The following DLGAP2 variants were observed in gnomAD, a reference collection of about 807,000 sequenced individuals.
The protein encoded by DLGAP2 is DLG associated protein 2.
In DLGAP2, 26 loss-of-function variants were observed where a neutral mutation model predicts 100.3. The observed-to-expected ratio is 0.26, with a 90% CI of 0.19 to 0.36. The LOEUF is 0.36. Ranked by LOEUF, DLGAP2 falls within the 10% of genes least tolerant of loss-of-function variation. The pLI is 1.00. For synonymous variants in DLGAP2, 886 were observed against 630.1 expected (o/e 1.41, Z -6.08); for missense variants, 1,858 against 1,453.2 (o/e 1.28, Z -4.53).
chr8:1,672,763 G>A (rs1048579969), intron 10 of DLGAP2, among the ~76,000 whole-genome samples: 8 of 152,192 alleles, frequency 5.3e-5, no homozygotes, highest in South Asian at 2.1e-4. Context: ...AGGCAGGGCC[G>A]GCCACTCACC....
At chr8:903,431 A>C (rs1006492866) in intron 1 of DLGAP2, among the ~76,000 whole-genome samples, 10 of 152,166 alleles carry the variant, frequency 6.6e-5, no homozygotes, top group Non-Finnish European at 1.0e-4. Flanking sequence ...GGCCGTGTCC[A>C]TAAAATCAGC....
chr8:1,199,323 G>A (rs993504450), intron 2 of DLGAP2, among the ~76,000 whole-genome samples: 1 of 152,320 alleles, frequency 6.6e-6, no homozygotes, highest in Non-Finnish European at 1.5e-5. Flanking sequence ...CTTCTCCCTG[G>A]TGATCTCTTT....
chr8:887,454 A>T (rs1205431162), intron 1 of DLGAP2, among the ~76,000 whole-genome samples: 1 of 152,184 alleles, frequency 6.6e-6, no homozygotes, highest in East Asian at 1.9e-4. Flanking sequence ...GTTGATGCAG[A>T]TTCTTCATAG....
chr8:1,480,152 A>C (rs1478653210), intron 3 of DLGAP2, among the ~76,000 whole-genome samples: 1 of 152,154 alleles, frequency 6.6e-6, no homozygotes, highest in Admixed American at 6.5e-5. Context: ...AGAGCCTTTA[A>C]CCACCACTGT....
chr8:1,320,575 G>T (rs888923525), intron 3 of DLGAP2, among the ~76,000 whole-genome samples: 54 of 152,172 alleles, frequency 3.5e-4, no homozygotes, highest in African/African-American at 1.1e-3. Context: ...GCTCAGCCTG[G>T]TGCTTCATGC....
intron 3 of DLGAP2, among the ~76,000 whole-genome samples, chr8:1,371,784 A>G (rs893992835): frequency 6.6e-6 from 1 of 152,096 alleles, no homozygotes; most frequent in African/African-American, 2.4e-5. Flanking sequence ...TGCATTTCTC[A>G]TATTCCACGT....
intron 4 of DLGAP2, among the ~76,000 whole-genome samples, chr8:1,520,223 C>T (rs1421583904): frequency 1.3e-5 from 2 of 152,190 alleles, no homozygotes; most frequent in Non-Finnish European, 2.9e-5. Context: ...AGAAGAACAG[C>T]TGCAGGCCCC....
rs532222910 is a variant in DLGAP2, at chr8:1,457,749, G to A, written c.107-43617G>A. 3.3e-5 allele frequency among the ~76,000 whole-genome samples: 5 copies of A among 151,346 alleles called. No homozygotes were observed. The East Asian group carries it at 7.8e-4, about 24-fold the overall frequency. ...TATTGTAGCCCCACACACCTCCCCC[G>A]TCCCACGCCTCCCCCAGAAGGTTGC... On this transcript the variant is annotated intron_variant, in intron 3 of 14. Coordinates refer to ENST00000637795, the MANE Select transcript of DLGAP2 (RefSeq NM_001346810.2).
At chr8:1,558,585 G>A (rs1216386026) in intron 5 of DLGAP2, among the ~76,000 whole-genome samples, 2 of 140,328 alleles carry the variant, frequency 1.4e-5, no homozygotes, top group South Asian at 4.6e-4. Flanking sequence ...TACACACATA[G>A]GCATGCATGC....
rs769915953 is a variant in DLGAP2, at chr8:1,337,447, GTGA to G, written c.106+78570_106+78572del. On this transcript the variant is annotated intron_variant, in intron 3 of 14. Coordinates refer to ENST00000637795, the MANE Select transcript of DLGAP2 (RefSeq NM_001346810.2). ...GATGGTGATGGTGATGATGATGATG[GTGA>G]TGATGGTGAGAATGGTGAGGATGAT... Among the ~76,000 whole-genome samples the G allele has an allele frequency of 2.3e-4, 20 of 85,390 alleles. 3 individuals carry two copies. Among genetic ancestry groups the G allele is most frequent in the Non-Finnish European group, 4.2e-4 (15 of 35,800 alleles). The allele number at this position is 85,390 out of a possible 152,430, so 56.0% of individuals were successfully genotyped here. A position where few individuals can be genotyped will look rare whatever the true frequency, so the allele number is the denominator to read the frequency against.
intron 1 of DLGAP2, among the ~76,000 whole-genome samples, chr8:878,193 G>T (rs1345274404): frequency 6.6e-6 from 1 of 152,178 alleles, no homozygotes; most frequent in Non-Finnish European, 1.5e-5. Context: ...ATGGGAAAAA[G>T]TCAGTGGTGG....
rs1361313787 is a variant in DLGAP2 at position 880,050 on chromosome 8, C to A, written c.19-27862C>A. Among the ~76,000 whole-genome samples the A allele has an allele frequency of 2.0e-5, 3 of 152,142 alleles. No individual in the cohort carries two copies. The East Asian group carries it at 5.8e-4, about 29-fold the overall frequency. ...GTAGAGGTCTTCAGGAAATTCTGTC[C>A]TGGCCTTCTTGTCCTGCTGCTTCCA... On this transcript the variant is annotated intron_variant, in intron 1 of 14. Transcript: ENST00000637795.
chr8:924,414 A>T (rs1043261517), intron 2 of DLGAP2, among the ~76,000 whole-genome samples: 1 of 151,856 alleles, frequency 6.6e-6, no homozygotes, highest in Non-Finnish European at 1.5e-5. Context: ...GTGGATGGGG[A>T]GGGACAATGT....
chr8:1,155,324 A>C (rs977732112), intron 2 of DLGAP2, among the ~76,000 whole-genome samples: 13 of 152,084 alleles, frequency 8.5e-5, no homozygotes, highest in Admixed American at 3.9e-4. Context: ...GCCTCTCTGG[A>C]AAGTCCCACC....
At chr8:1,634,309 C>T (rs1451166045) in intron 8 of DLGAP2, among the ~76,000 whole-genome samples, 6 of 152,220 alleles carry the variant, frequency 3.9e-5, no homozygotes, top group Non-Finnish European at 7.3e-5. Flanking sequence ...GCTGGCACCA[C>T]TGAGCCGGGG....
chr8:782,148 A>G (rs1821707166), intron 1 of DLGAP2, among the ~76,000 whole-genome samples: 2 of 152,280 alleles, frequency 1.3e-5, no homozygotes, highest in African/African-American at 4.8e-5. Flanking sequence ...TATTATATGA[A>G]TGTAACAAAT....
chr8:922,091 C>T (rs117789685), intron 2 of DLGAP2, among the ~76,000 whole-genome samples: 330 of 152,326 alleles, frequency 2.2e-3, no homozygotes, highest in Non-Finnish European at 3.7e-3. Context: ...CTGGGAGAAA[C>T]GGCTCCTTGT....
intron 8 of DLGAP2, among the ~76,000 whole-genome samples, chr8:1,647,611 A>G (rs1019445933): frequency 2.6e-5 from 4 of 150,950 alleles, no homozygotes; most frequent in African/African-American, 7.3e-5. Flanking sequence ...ACACATTCCT[A>G]TGAGATTCAT....
At chr8:1,170,494 C>A (rs188571791) in intron 2 of DLGAP2, among the ~76,000 whole-genome samples, 281 of 151,902 alleles carry the variant, frequency 1.8e-3, no homozygotes, top group African/African-American at 6.3e-3. Flanking sequence ...TAGAATTCGG[C>A]TGTGAATCCA....
Sources: gnomAD v4.1 joint callset for allele counts (sites outside exome capture counted in the v4.1 genomes callset) on GRCh38, gnomAD v4.1.1 for gene constraint, MANE v1.5 for transcripts, NCBI Gene and HGNC (gene_info 2026-07-23, HGNC 2026-07-21) for gene names.